Variants in MTHFD1L observed in about 807,000 individuals in gnomAD.
The protein encoded by MTHFD1L is methylenetetrahydrofolate dehydrogenase (NADP+ dependent) 1 like.
In MTHFD1L, 81 loss-of-function variants were observed where a neutral mutation model predicts 119.5. That is an observed-to-expected ratio of 0.68 (90% CI 0.57 to 0.82). The LOEUF (loss-of-function observed/expected upper bound fraction) is 0.82. MTHFD1L is among the 40% of genes least tolerant of loss of function. The pLI is 0.00. For synonymous variants in MTHFD1L, 430 were observed against 475.2 expected (o/e 0.90, Z 1.24); for missense variants, 1,125 against 1,253.4 (o/e 0.90, Z 1.55).
chr6:151,000,911 A>G (rs764452319), intron 20 of MTHFD1L, among the ~76,000 whole-genome samples: 1 of 152,222 alleles, frequency 6.6e-6, no homozygotes, highest in Non-Finnish European at 1.5e-5. Context: ...TTCCTCTACA[A>G]AGCTTCTATT....
chr6:150,887,460 G>A (rs1562318740), intron 6 of MTHFD1L, among the ~76,000 whole-genome samples: 1 of 152,076 alleles, frequency 6.6e-6, no homozygotes, highest in Non-Finnish European at 1.5e-5. Flanking sequence ...TTTTAAAAGG[G>A]TTTTTTGTTG....
chr6:151,047,970 A>G (rs1289377114), intron 26 of MTHFD1L, among the ~76,000 whole-genome samples: 2 of 152,174 alleles, frequency 1.3e-5, no homozygotes, highest in Non-Finnish European at 2.9e-5. Flanking sequence ...ACATCTTCAC[A>G]TGGCGGCAGG....
At chr6:151,064,958 C>T (rs568647814) in intron 26 of MTHFD1L, among the ~76,000 whole-genome samples, 40 of 152,130 alleles carry the variant, frequency 2.6e-4, no homozygotes, top group Middle Eastern at 3.4e-3. Flanking sequence ...CGTGCCACTA[C>T]GCCCAGCTAA....
At chr6:151,036,913 A>G in intron 25 of MTHFD1L, 52 bp from the exon 26 acceptor site, 8 of 1,601,824 alleles carry the variant, frequency 5.0e-6, no homozygotes, top group South Asian at 3.3e-5. Context: ...ATTGAAAAGC[A>G]CAGGAGACTA....
intron 7 of MTHFD1L, among the ~76,000 whole-genome samples, chr6:150,896,619 G>T (rs1784266233): frequency 6.6e-6 from 1 of 152,156 alleles, no homozygotes. Context: ...GACAGATTTA[G>T]GGGGTCAGCT....
intron 26 of MTHFD1L, among the ~76,000 whole-genome samples, chr6:151,078,725 G>A (rs1482009450): frequency 6.6e-6 from 1 of 152,080 alleles, no homozygotes; most frequent in Non-Finnish European, 1.5e-5. Context: ...CCAGCAGGGG[G>A]GATGGGTTTT....
At chr6:150,902,748 ATAGG>A (rs1785261401) in intron 7 of MTHFD1L, among the ~76,000 whole-genome samples, 1 of 152,188 alleles carries the variant, frequency 6.6e-6, no homozygotes, top group African/African-American at 2.4e-5. Context: ...TCCAAGATTT[ATAGG>A]TAATGAAAAG....
chr6:150,990,550 C>G (rs894965098), intron 20 of MTHFD1L, among the ~76,000 whole-genome samples: 2 of 152,104 alleles, frequency 1.3e-5, no homozygotes, highest in African/African-American at 4.8e-5. Context: ...ACCTCCACCT[C>G]CCAGGTTCAA....
At chr6:150,974,506 C>T (rs931508486) in intron 20 of MTHFD1L, among the ~76,000 whole-genome samples, 5 of 152,120 alleles carry the variant, frequency 3.3e-5, no homozygotes, top group Non-Finnish European at 7.3e-5. Context: ...CATTGTTGTG[C>T]AACCAAGCTG....
intron 9 of MTHFD1L, among the ~76,000 whole-genome samples, chr6:150,920,159 A>T (rs1303576416): frequency 6.6e-6 from 1 of 152,192 alleles, no homozygotes; most frequent in Non-Finnish European, 1.5e-5. Flanking sequence ...CCTGGGCTCT[A>T]ACCTCATGTG....
chr6:151,032,677 G>A (rs954845071), intron 24 of MTHFD1L, among the ~76,000 whole-genome samples: 4 of 152,170 alleles, frequency 2.6e-5, no homozygotes, highest in Non-Finnish European at 4.4e-5. Context: ...GAGAAGTGAC[G>A]TCTGTACAGT....
chr6:150,931,155 T>C (rs1674179422), intron 11 of MTHFD1L, among the ~76,000 whole-genome samples: 1 of 152,150 alleles, frequency 6.6e-6, no homozygotes, highest in African/African-American at 2.4e-5. Flanking sequence ...CAGAAGTTTC[T>C]AGAATTTCCC....
chr6:151,004,010 A>T (rs1412517612), intron 20 of MTHFD1L, among the ~76,000 whole-genome samples: 33 of 102,374 alleles, frequency 3.2e-4, no homozygotes, highest in Non-Finnish European at 5.8e-4. Context: ...CTTTTTTTTA[A>T]AAAAAAAAAA....
intron 1 of MTHFD1L, among the ~76,000 whole-genome samples, chr6:150,875,508 C>T (rs1471937075): frequency 6.6e-6 from 1 of 152,086 alleles, no homozygotes; most frequent in Non-Finnish European, 1.5e-5. Flanking sequence ...CTCTAGGAGG[C>T]TTTGATAGTG....
intron 11 of MTHFD1L, among the ~76,000 whole-genome samples, chr6:150,927,852 G>C (rs1790309338): frequency 6.6e-6 from 1 of 151,998 alleles, no homozygotes; most frequent in Non-Finnish European, 1.5e-5. Context: ...CACATCTTCT[G>C]GCACCTCTAG....
chr6:150,990,098 G>A (rs549816340), intron 20 of MTHFD1L, among the ~76,000 whole-genome samples: 1 of 152,240 alleles, frequency 6.6e-6, no homozygotes, highest in African/African-American at 2.4e-5. Context: ...GGCCAACATG[G>A]TGAAACCCTG....
intron 12 of MTHFD1L, among the ~76,000 whole-genome samples, 179 bp downstream of exon 12, chr6:150,937,119 C>G (rs1218219666): frequency 6.6e-6 from 1 of 152,190 alleles, no homozygotes; most frequent in Non-Finnish European, 1.5e-5. Context: ...TGAAAAAGAG[C>G]AGTGGGAGCC....
At chr6:150,955,209 G>C (rs536522507) in intron 16 of MTHFD1L, among the ~76,000 whole-genome samples, 9 of 151,980 alleles carry the variant, frequency 5.9e-5, no homozygotes, top group Non-Finnish European at 1.2e-4. Flanking sequence ...CCTATTCTAG[G>C]TGCCTGATAT....
At chr6:150,892,525 C>T (rs944245774) in intron 7 of MTHFD1L, among the ~76,000 whole-genome samples, 7 of 152,122 alleles carry the variant, frequency 4.6e-5, no homozygotes, top group Non-Finnish European at 5.9e-5. Flanking sequence ...ATAGTGGCAC[C>T]ATTGCGAATG....
Sources: allele counts gnomAD v4.1 joint callset (sites outside exome capture counted in the v4.1 genomes callset), GRCh38; gene constraint gnomAD v4.1.1; transcripts MANE v1.5; gene names NCBI Gene and HGNC (gene_info 2026-07-23, HGNC 2026-07-21).